Variants in N4BP1 observed in about 807,000 individuals in gnomAD.
The protein encoded by N4BP1 is NEDD4-binding protein 1.
A neutral mutation model predicts 70.9 loss-of-function variants in N4BP1; 21 were observed. The observed-to-expected ratio is 0.30, with a 90% CI of 0.21 to 0.43. The LOEUF is 0.43. Among genes scored for constraint, N4BP1 ranks in the 20% least tolerant of loss-of-function variants. N4BP1 has a pLI of 1.00. For missense variants in N4BP1, 936 were observed against 1,069.4 expected (o/e 0.88, Z 1.74); for synonymous variants, 387 against 394.6 (o/e 0.98, Z 0.23).
chr16:48,593,611 C>T (rs1042515816), intron 1 of N4BP1, among the ~76,000 whole-genome samples: 2 of 152,168 alleles, frequency 1.3e-5, no homozygotes, highest in African/African-American at 4.8e-5. Flanking sequence ...AATCATTGTT[C>T]TGCTCTTTAA....
intron 1 of N4BP1, among the ~76,000 whole-genome samples, chr16:48,585,001 G>T (rs1597106873): frequency 6.6e-6 from 1 of 151,900 alleles, no homozygotes; most frequent in Non-Finnish European, 1.5e-5. Context: ...GCATGATTTC[G>T]GCTCACTGCA....
intron 1 of N4BP1, among the ~76,000 whole-genome samples, chr16:48,580,025 C>CTTG: frequency 6.6e-6 from 1 of 152,044 alleles, no homozygotes; most frequent in East Asian, 1.9e-4. Context: ...CATCAACACA[C>CTTG]CACTTTCAGT....
rs1224196954 is a variant in N4BP1, at chr16:48,561,658, CAGA to C, written c.982_984del (p.Ser328del). 1.2e-6 allele frequency: 2 copies of C among 1,613,268 alleles called. No homozygotes were observed. Among genetic ancestry groups the C allele is most frequent in the African/African-American group, 1.3e-5 (1 of 74,908 alleles). ...TCTGGACTTAAATTTTCAGAATCAG[CAGA>C]AGAATCAGATAGGTCAGCTATTACA... is the stretch of plus-strand genomic sequence containing the variant. On this transcript the variant is annotated inframe_deletion, in exon 2 of 7. Transcript: ENST00000262384.
At chr16:48,609,229 A>G (rs1378933691) in intron 1 of N4BP1, among the ~76,000 whole-genome samples, 1 of 152,174 alleles carries the variant, frequency 6.6e-6, no homozygotes, top group Non-Finnish European at 1.5e-5. Flanking sequence ...ATAGAAAAAA[A>G]TAGGTAAACA....
intron 1 of N4BP1, among the ~76,000 whole-genome samples, chr16:48,605,647 T>C (rs564054937): frequency 1.3e-5 from 2 of 152,304 alleles, no homozygotes; most frequent in South Asian, 2.1e-4. Context: ...CCAAATTGCA[T>C]AAAAGTTACT....
intron 1 of N4BP1, among the ~76,000 whole-genome samples, chr16:48,606,425 C>A (rs574214930): frequency 6.6e-6 from 1 of 152,300 alleles, no homozygotes; most frequent in South Asian, 2.1e-4. Flanking sequence ...GGTACCTCAG[C>A]CTTCATCTTT....
chr16:48,553,721 A>G (rs1963708866), intron 2 of N4BP1, 52 bp from the exon 3 acceptor site: 5 of 1,397,634 alleles, frequency 3.6e-6, no homozygotes. Flanking sequence ...TGTTTAAAGC[A>G]CAGTAAGTTT....
intron 4 of N4BP1, among the ~76,000 whole-genome samples, chr16:48,548,556 A>G (rs909223462): frequency 6.6e-6 from 1 of 152,164 alleles, no homozygotes; most frequent in Admixed American, 6.5e-5. Context: ...TTAAAAATTC[A>G]TAGGTTCAAG....
chr16:48,607,120 T>C (rs1216369339), intron 1 of N4BP1, among the ~76,000 whole-genome samples: 1 of 152,010 alleles, frequency 6.6e-6, no homozygotes. Context: ...TTATGAGTAA[T>C]ACATATCACA....
At position 48,548,045 on chromosome 16, in the gene N4BP1, C is replaced by T; in HGVS notation, c.2187G>A (p.Val729=). ...TTTCTCTCCAAGAGACTGACTCATT[C>T]ACAAATTCTCTGAAATTATCATTTG... ...IVTNDNFREF[V]NESVSWREII... Residue 729 remains valine (V), a synonymous_variant, in exon 5 of 7, where the codon GTG becomes GTA. Coordinates refer to ENST00000262384, the MANE Select transcript of N4BP1 (RefSeq NM_153029.4). 6.2e-7 allele frequency: 1 copy of T among 1,611,840 alleles called. No individual in the cohort carries two copies. Among genetic ancestry groups the T allele is most frequent in the East Asian group, 2.2e-5 (1 of 44,846 alleles).
chr16:48,558,600 C>T (rs188157953), intron 2 of N4BP1, among the ~76,000 whole-genome samples: 18 of 152,336 alleles, frequency 1.2e-4, no homozygotes, highest in South Asian at 4.1e-4. Context: ...GCTCATTCTA[C>T]GTTAACCTTG....
In N4BP1 at chr16:48,543,227, C is replaced by T. The variant is rs1417491290; in HGVS notation, c.2368G>A (p.Val790Met). 6.4e-7 allele frequency: 1 copy of T among 1,550,794 alleles called. No individual in the cohort carries two copies. The highest frequency in any genetic ancestry group is 1.9e-5 in the Admixed American group (1 of 52,412). ...CTGAAGCTGGGGTCAAACATGCCCA[C>T]ATTTGGCAGGGCACTGAGTAGGGGC... ...MQPLLSALPN[V>M]GMFDPSFRVP... The change falls in exon 7 of 7, where the codon GTG becomes ATG. Residue 790 changes from valine to methionine, a missense_variant. Transcript: ENST00000262384.
In N4BP1 at chr16:48,561,047, G is replaced by C; in HGVS notation, c.1596C>G (p.Pro532=). 1 of 1,614,010 alleles carries C rather than the reference G, an allele frequency of 6.2e-7. No individual in the cohort carries two copies. Residue 532 remains proline, a synonymous_variant, in exon 2 of 7, where the codon CCC becomes CCG. Transcript: ENST00000262384. ...PENGLHQQPE[P]LLPNNMKSAC... ...CAGATTTCATATTATTTGGAAGCAAGGGTTCTGGCTGCTGGTGTAAACCAT... is the reference window on the plus strand; with the variant it reads ...CAGATTTCATATTATTTGGAAGCAACGGTTCTGGCTGCTGGTGTAAACCAT...
At chr16:48,588,828 T>C (rs747004679) in intron 1 of N4BP1, among the ~76,000 whole-genome samples, 3 of 152,172 alleles carry the variant, frequency 2.0e-5, no homozygotes, top group Non-Finnish European at 4.4e-5. Context: ...TTGGACCATT[T>C]TGTATATACA....
intron 1 of N4BP1, among the ~76,000 whole-genome samples, chr16:48,600,945 ATAAG>A (rs1452030419): frequency 6.6e-6 from 1 of 152,232 alleles, no homozygotes; most frequent in Admixed American, 6.5e-5. Context: ...CATTTGTATA[ATAAG>A]TAATGGCAAA....
At chr16:48,555,821 AAT>A (rs1405544755) in intron 2 of N4BP1, among the ~76,000 whole-genome samples, 1 of 152,190 alleles carries the variant, frequency 6.6e-6, no homozygotes, top group Non-Finnish European at 1.5e-5. Flanking sequence ...AAAACCAAGA[AAT>A]ATGTATATTT....
At chr16:48,602,719 C>A (rs1964520098) in intron 1 of N4BP1, among the ~76,000 whole-genome samples, 1 of 152,020 alleles carries the variant, frequency 6.6e-6, no homozygotes, top group Non-Finnish European at 1.5e-5. Flanking sequence ...TTCTTTCCTT[C>A]ATGAACAAAT....
chr16:48,580,249 A>G (rs1284526979), intron 1 of N4BP1, among the ~76,000 whole-genome samples: 1 of 152,132 alleles, frequency 6.6e-6, no homozygotes, highest in East Asian at 1.9e-4. Context: ...GAAAAAGTAG[A>G]TATGACAACT....
chr16:48,561,236 T>G lies in N4BP1; in HGVS notation c.1407A>C (p.Glu469Asp), dbSNP rs1374447316. The change falls in exon 2 of 7, where the codon GAA becomes GAC. Residue 469 changes from glutamate to aspartate, a missense_variant. Glu to Asp is a conservative substitution (Grantham distance 45, BLOSUM62 2). Transcript: ENST00000262384. ...RINTFRTVPIEQKHEVWGSNQ... is the reference protein window; with the variant it reads ...RINTFRTVPIDQKHEVWGSNQ... ...TTGAACCCCAGACTTCATGTTTCTG[T>G]TCTATTGGCACTGTTCTGAAAGTAT... The G allele has an allele frequency of 1.2e-6, 2 of 1,613,988 alleles. No individual in the cohort carries two copies. The highest frequency in any genetic ancestry group is 1.7e-6 in the Non-Finnish European group (2 of 1,179,878).
Sources: gnomAD v4.1 joint callset for allele counts (sites outside exome capture counted in the v4.1 genomes callset) on GRCh38, gnomAD v4.1.1 for gene constraint, MANE v1.5 for transcripts, NCBI Gene and HGNC (gene_info 2026-07-23, HGNC 2026-07-21) for gene names.